DUSP16: variants seen among roughly 807,000 people sequenced by gnomAD.
DUSP16 encodes the protein dual specificity protein phosphatase 16.
A neutral mutation model predicts 58.3 loss-of-function variants in DUSP16; 21 were observed. The observed-to-expected ratio is 0.36, with a 90% CI of 0.26 to 0.52. The LOEUF is 0.52. Ranked by LOEUF, DUSP16 falls within the 20% of genes least tolerant of loss-of-function variation. The pLI is 0.94. For missense variants in DUSP16, 726 were observed against 819.0 expected (o/e 0.89, Z 1.39); for synonymous variants, 320 against 323.8 (o/e 0.99, Z 0.12).
At chr12:12,520,821 T>C in intron 2 of DUSP16, 50 bp downstream of exon 2, 1 of 1,586,878 alleles carries the variant, frequency 6.3e-7, no homozygotes, top group Non-Finnish European at 8.6e-7. Flanking sequence ...AAATTATTCC[T>C]CATTCAGTGT....
At chr12:12,526,826 C>T (rs1451348889) in intron 1 of DUSP16, among the ~76,000 whole-genome samples, 1 of 152,066 alleles carries the variant, frequency 6.6e-6, no homozygotes, top group East Asian at 1.9e-4. Flanking sequence ...TTTCTTTCTA[C>T]CCATGGGTTA....
intron 3 of DUSP16, among the ~76,000 whole-genome samples, chr12:12,507,630 A>G (rs1944015781): frequency 1.3e-5 from 2 of 152,044 alleles, no homozygotes; most frequent in Non-Finnish European, 2.9e-5. Flanking sequence ...TTTTTTGGAG[A>G]TGGAGTTTCA....
Position 12,475,588 on chromosome 12 carries a change from G to A in DUSP16, c.*1245C>T, listed in dbSNP as rs1270094604. On this transcript the variant is annotated 3_prime_UTR_variant, in exon 7 of 7. Transcript: ENST00000298573. Reference sequence around the variant, plus strand: ...TTCTGAATATTCCTTCCTCACTAAAGCCTCTCTCAGCCCTACTAGTAAATG... The same window carrying A: ...TTCTGAATATTCCTTCCTCACTAAAACCTCTCTCAGCCCTACTAGTAAATG... The A allele has an allele frequency of 6.6e-6, 1 of 152,090 alleles. No homozygotes were observed. The highest frequency in any genetic ancestry group is 1.5e-5 in the Non-Finnish European group (1 of 68,044). The allele number at this position is 152,090 out of a possible 1,614,324, so 9.4% of individuals were successfully genotyped here. A position where few individuals can be genotyped will look rare whatever the true frequency, so the allele number is the denominator to read the frequency against.
chr12:12,561,130 C>G (rs1171850132), intron 1 of DUSP16: 1 of 152,150 alleles, frequency 6.6e-6, no homozygotes, highest in Non-Finnish European at 1.5e-5. Context: ...AGTTTTAAAA[C>G]CCTGCATCTT....
At chr12:12,486,659 C>T (rs2136197081) in intron 5 of DUSP16, among the ~76,000 whole-genome samples, 1 of 152,258 alleles carries the variant, frequency 6.6e-6, no homozygotes, top group Admixed American at 6.5e-5. Context: ...AGCAACAAGG[C>T]AACAGGGAAT....
rs1247919612 is a variant in DUSP16, at chr12:12,476,947, G to T, written c.1884C>A (p.Cys628Ter). The T allele has an allele frequency of 1.2e-6, 2 of 1,613,988 alleles. No homozygotes were observed. The highest frequency in any genetic ancestry group is 1.7e-6 in the Non-Finnish European group (2 of 1,180,046). The change falls in exon 7 of 7, where the codon TGC becomes TGA. Residue 628 changes from cysteine (C) to a stop codon, truncating the protein, a stop_gained. Transcript: ENST00000298573. LOFTEE classifies it high-confidence loss of function. ...TGATGCTCTCTCCAAATTCCATTTG[G>T]CAGCTTCTGCGTTTAAACTGCTTTT... The part of the protein sequence containing the change: ...PFEKQFKRRS[C>*]QMEFGESIMS...
At chr12:12,531,365 C>A (rs1478613524) in intron 1 of DUSP16, among the ~76,000 whole-genome samples, 1 of 152,152 alleles carries the variant, frequency 6.6e-6, no homozygotes, top group Non-Finnish European at 1.5e-5. Flanking sequence ...TGCTGAACTA[C>A]ATTCTCCTGA....
At position 12,477,024 on chromosome 12, in the gene DUSP16, G is replaced by A; in HGVS notation, c.1807C>T (p.Pro603Ser). The change falls in exon 7 of 7, where the codon CCA becomes TCA. Residue 603 changes from proline to serine, a missense_variant. Transcript: ENST00000298573. The surrounding 1 kb of genome is among the most constrained non-coding windows in gnomAD (Gnocchi z 4.1). The stretch of plus-strand genomic sequence containing the variant: ...CGCCGCGAGTCAGCTCTGTCACTTG[G>A]CTTCTGCCGCCTGCGCACAGAATAG... ...QVYSVRRRQK[P>S]SDRADSRRSW... 6.2e-7 allele frequency: 1 copy of A among 1,614,264 alleles called. No individual in the cohort carries two copies. Among genetic ancestry groups the A allele is most frequent in the South Asian group, 1.1e-5 (1 of 91,086 alleles).
intron 1 of DUSP16, among the ~76,000 whole-genome samples, chr12:12,552,307 A>AGGTG: frequency 6.6e-6 from 1 of 152,000 alleles, no homozygotes. Flanking sequence ...TTAGCTGGGC[A>AGGTG]TGGTGGTGCG....
At position 12,562,287 on chromosome 12, in the gene DUSP16, T is replaced by G. The variant is rs1185969381; in HGVS notation, c.-536A>C. 6.9e-6 allele frequency: 1 copy of G among 144,444 alleles called. No individual in the cohort carries two copies. The highest frequency in any genetic ancestry group is 1.5e-5 in the Non-Finnish European group (1 of 65,464). The allele number at this position is 144,444 out of a possible 1,614,324, so 8.9% of individuals were successfully genotyped here. ...CGTCGCTCTCCTCCTCCTCTTCTTT[T>G]CAGTATATTATCTTCTCCTTCTCTG... is the stretch of plus-strand genomic sequence containing the variant. On this transcript the variant is annotated 5_prime_UTR_variant, in exon 1 of 7. Coordinates refer to ENST00000298573, the MANE Select transcript of DUSP16 (RefSeq NM_030640.3).
intron 1 of DUSP16, among the ~76,000 whole-genome samples, chr12:12,537,932 T>G (rs1268145963): frequency 6.6e-6 from 1 of 152,164 alleles, no homozygotes; most frequent in Non-Finnish European, 1.5e-5. Flanking sequence ...ATATATATGT[T>G]CATTTATCGA....
intron 3 of DUSP16, among the ~76,000 whole-genome samples, chr12:12,511,221 C>T (rs1169057859): frequency 6.6e-6 from 1 of 152,126 alleles, no homozygotes; most frequent in Non-Finnish European, 1.5e-5. Flanking sequence ...GGAGGAATAA[C>T]ATTCAACTGA....
At chr12:12,478,752 C>T (rs1565970971) in intron 6 of DUSP16, among the ~76,000 whole-genome samples, 1 of 152,220 alleles carries the variant, frequency 6.6e-6, no homozygotes, top group Non-Finnish European at 1.5e-5. Context: ...GTCATCCCCT[C>T]TTAAAGTCAC....
chr12:12,534,302 G>C (rs771776386), intron 1 of DUSP16, among the ~76,000 whole-genome samples: 7 of 152,194 alleles, frequency 4.6e-5, no homozygotes, highest in African/African-American at 7.2e-5. Flanking sequence ...TGGGGCCCTG[G>C]AAGTTAATGA....
intron 5 of DUSP16, among the ~76,000 whole-genome samples, chr12:12,481,896 C>G (rs1943574405): frequency 6.6e-6 from 1 of 152,166 alleles, no homozygotes; most frequent in African/African-American, 2.4e-5. Context: ...CTAAGAAGCT[C>G]AAAGCTAAGG....
intron 3 of DUSP16, among the ~76,000 whole-genome samples, chr12:12,506,644 G>C (rs112855400): frequency 6.6e-6 from 1 of 152,288 alleles, no homozygotes; most frequent in African/African-American, 2.4e-5. Context: ...AAGAATGACT[G>C]TGCCCCCTAC....
intron 1 of DUSP16, among the ~76,000 whole-genome samples, chr12:12,524,359 C>T (rs2136235219): frequency 6.6e-6 from 1 of 152,282 alleles, no homozygotes; most frequent in Non-Finnish European, 1.5e-5. Context: ...CCTGGTAGGA[C>T]TTCATGCCCA....
chr12:12,528,733 T>TA (rs1231232418), intron 1 of DUSP16, among the ~76,000 whole-genome samples: 2 of 152,190 alleles, frequency 1.3e-5, no homozygotes, highest in Non-Finnish European at 2.9e-5. Flanking sequence ...AGGCAAAAAT[T>TA]ACTGCCTTTC....
rs1227384709 is a variant in DUSP16, at chr12:12,534,656, T to C, written c.-365-13193A>G. Among the ~76,000 whole-genome samples, 6 of 152,344 alleles carry C rather than the reference T, an allele frequency of 3.9e-5. No individual in the cohort carries two copies. The South Asian group carries it at 1.0e-3, about 26-fold the overall frequency. On this transcript the variant is annotated intron_variant, in intron 1 of 6. Coordinates refer to ENST00000298573, the MANE Select transcript of DUSP16 (RefSeq NM_030640.3). ...CCTGTCTGATGTTAAGCTCTTATCA[T>C]ACATTCATTTTCTATTTTTTGAGGA... is the stretch of plus-strand genomic sequence containing the variant.
Sources: allele counts gnomAD v4.1 joint callset (sites outside exome capture counted in the v4.1 genomes callset), GRCh38; gene constraint gnomAD v4.1.1; non-coding constraint Gnocchi (gnomAD v3.1); transcripts MANE v1.5; gene names NCBI Gene and HGNC (gene_info 2026-07-23, HGNC 2026-07-21).